SPOCK3: variants seen among roughly 807,000 people sequenced by gnomAD.
SPOCK3 encodes SPARC (osteonectin), cwcv and kazal like domains proteoglycan 3.
Under a neutral mutation model 56.6 loss-of-function variants are expected in SPOCK3, and 30 were observed. The observed-to-expected ratio is 0.53, with a 90% CI of 0.40 to 0.72. The LOEUF is 0.72. SPOCK3 is among the 30% of genes least tolerant of loss of function. The pLI is 0.00. For missense variants in SPOCK3, 527 were observed against 530.0 expected, an observed-to-expected ratio of 0.99 and a Z score of 0.06; for synonymous variants, 196 against 183.3, an observed-to-expected ratio of 1.07 and a Z score of -0.56.
chr4:167,183,212 T>TCCAGCCCAGC (rs1731653394), intron 2 of SPOCK3, among the ~76,000 whole-genome samples: 1 of 151,982 alleles, frequency 6.6e-6, no homozygotes, highest in African/African-American at 2.4e-5. Context: ...CCCAGCCCAG[T>TCCAGCCCAGC]CCAGCCCAGC....
At chr4:166,769,007 G>A (rs1485155555) in intron 7 of SPOCK3, among the ~76,000 whole-genome samples, 5 of 152,302 alleles carry the variant, frequency 3.3e-5, no homozygotes, top group African/African-American at 1.2e-4. Context: ...CATTCATCAT[G>A]TAGTTCTCTT....
chr4:166,856,214 A>G (rs909876777), intron 6 of SPOCK3, among the ~76,000 whole-genome samples: 3 of 151,910 alleles, frequency 2.0e-5, no homozygotes, highest in Non-Finnish European at 4.4e-5. Flanking sequence ...ATAGGGGAGA[A>G]GTTGGCCAAT....
intron 2 of SPOCK3, among the ~76,000 whole-genome samples, chr4:167,199,936 C>A (rs567914240): frequency 2.4e-4 from 36 of 151,156 alleles, no homozygotes; most frequent in African/African-American, 6.8e-4. Flanking sequence ...ATGAAAAAAA[C>A]CCATGAATAA....
intron 4 of SPOCK3, among the ~76,000 whole-genome samples, chr4:166,922,219 G>A (rs555999440): frequency 1.1e-4 from 16 of 152,214 alleles, no homozygotes; most frequent in Admixed American, 7.8e-4. Context: ...ATTGGGGACC[G>A]CTGCCCTACA....
intron 9 of SPOCK3, among the ~76,000 whole-genome samples, chr4:166,740,040 C>T (rs1409640978): frequency 3.3e-5 from 5 of 152,102 alleles, no homozygotes; most frequent in Admixed American, 2.0e-4. Context: ...TTGACATAAA[C>T]ATGTTATGAT....
chr4:166,826,939 C>G (rs1036133527), intron 6 of SPOCK3, among the ~76,000 whole-genome samples: 1 of 151,886 alleles, frequency 6.6e-6, no homozygotes, highest in Non-Finnish European at 1.5e-5. Flanking sequence ...GAGACTAAGA[C>G]AAAACTGAAA....
rs76627591 is a variant in SPOCK3, at chr4:167,015,637, C to A, written c.236-15174G>T. ...TCAGTTTGTCATTTCCAATTAATAT[C>A]GCTGCTTACAAAAAACAATCCGTTG... On this transcript the variant is annotated intron_variant, in intron 3 of 10. Transcript: ENST00000357545. Among the ~76,000 whole-genome samples the A allele has an allele frequency of 1.1e-4, 16 of 152,186 alleles. No individual in the cohort carries two copies. The East Asian group carries it at 1.7e-3, about 17-fold the overall frequency.
In SPOCK3 at chr4:167,058,539, T is replaced by C. The variant is rs1755178279; in HGVS notation, c.235+3953A>G. Reference sequence around the variant, plus strand: ...TGGAAGAACATTCCATGCTTGTGGGTAGGAAGAATCAATATCATGAAAATG... The same window carrying C: ...TGGAAGAACATTCCATGCTTGTGGGCAGGAAGAATCAATATCATGAAAATG... On this transcript the variant is annotated intron_variant, in intron 3 of 10. Coordinates refer to ENST00000357545, the MANE Select transcript of SPOCK3 (RefSeq NM_001040159.2). 2.0e-5 allele frequency among the ~76,000 whole-genome samples: 3 copies of C among 152,124 alleles called. No homozygotes were observed. The South Asian group carries it at 6.2e-4, about 32-fold the overall frequency.
In SPOCK3 at chr4:166,817,439, T is replaced by C. The variant is rs906252786; in HGVS notation, c.590-25150A>G. Among the ~76,000 whole-genome samples, 27 of 152,160 alleles carry C rather than the reference T, an allele frequency of 1.8e-4. 1 individual carries two copies. Among genetic ancestry groups the C allele is most frequent in the Non-Finnish European group, 2.1e-4 (14 of 67,962 alleles). On this transcript the variant is annotated intron_variant, in intron 6 of 10. Transcript: ENST00000357545. ...TGAGGGTAGACAGTGCCTTTGCTCA[T>C]AATATGGGCTTAAATGTGAGGGACC...
At chr4:167,112,720 G>C (rs1761003693) in intron 2 of SPOCK3, among the ~76,000 whole-genome samples, 1 of 152,046 alleles carries the variant, frequency 6.6e-6, no homozygotes, top group Non-Finnish European at 1.5e-5. Context: ...AGGTTTGGAA[G>C]AAGCCTCACA....
intron 7 of SPOCK3, among the ~76,000 whole-genome samples, chr4:166,763,101 A>G (rs1737470443): frequency 6.6e-6 from 1 of 151,722 alleles, no homozygotes; most frequent in African/African-American, 2.4e-5. Flanking sequence ...AAAGCATACC[A>G]TAAACAAATT....
intron 2 of SPOCK3, among the ~76,000 whole-genome samples, chr4:167,226,449 A>G (rs989069246): frequency 6.6e-5 from 10 of 152,150 alleles, no homozygotes; most frequent in Non-Finnish European, 1.3e-4. Flanking sequence ...AGGCAATGAT[A>G]AAAAACATTC....
chr4:166,743,907 G>A (rs1044849192), intron 8 of SPOCK3, among the ~76,000 whole-genome samples: 1 of 152,160 alleles, frequency 6.6e-6, no homozygotes, highest in African/African-American at 2.4e-5. Context: ...GACTGGGGGA[G>A]GGGGGTCCAC....
At chr4:166,988,603 G>T (rs571141914) in intron 4 of SPOCK3, among the ~76,000 whole-genome samples, 2 of 152,096 alleles carry the variant, frequency 1.3e-5, no homozygotes, top group South Asian at 4.1e-4. Flanking sequence ...CAAATAAACA[G>T]CTGTGTGACT....
intron 6 of SPOCK3, among the ~76,000 whole-genome samples, chr4:166,885,513 A>T (rs1451875286): frequency 1.3e-5 from 2 of 152,032 alleles, no homozygotes; most frequent in Non-Finnish European, 2.9e-5. Context: ...CCTTGAAAGT[A>T]CTCTGTATCC....
At chr4:167,048,426 G>A (rs1053178197) in intron 3 of SPOCK3, among the ~76,000 whole-genome samples, 2 of 151,968 alleles carry the variant, frequency 1.3e-5, no homozygotes, top group Admixed American at 1.3e-4. Context: ...AACCAGACAT[G>A]CCCAATATAT....
intron 6 of SPOCK3, among the ~76,000 whole-genome samples, chr4:166,863,961 C>T (rs1180217369): frequency 6.6e-6 from 1 of 152,104 alleles, no homozygotes; most frequent in Non-Finnish European, 1.5e-5. Flanking sequence ...GAACTCTCCA[C>T]CCCAAATCAA....
At chr4:167,155,577 C>A (rs1308771926) in intron 2 of SPOCK3, among the ~76,000 whole-genome samples, 1 of 152,152 alleles carries the variant, frequency 6.6e-6, no homozygotes, top group Non-Finnish European at 1.5e-5. Context: ...TATTTTTCAA[C>A]TCATTAAAGA....
At chr4:166,913,382 G>A (rs1737484105) in intron 4 of SPOCK3, among the ~76,000 whole-genome samples, 1 of 151,992 alleles carries the variant, frequency 6.6e-6, no homozygotes, top group South Asian at 2.1e-4. Context: ...TCCCCACTTT[G>A]GTTAAATTGC....
Sources: gnomAD v4.1 joint callset for allele counts (sites outside exome capture counted in the v4.1 genomes callset) on GRCh38, gnomAD v4.1.1 for gene constraint, MANE v1.5 for transcripts, NCBI Gene and HGNC (gene_info 2026-07-23, HGNC 2026-07-21) for gene names.